EFCAB6: variants seen among roughly 807,000 people sequenced by gnomAD.
The protein encoded by EFCAB6 is EF-hand calcium-binding domain-containing protein 6.
EFCAB6 carries 156 observed loss-of-function variants against 169.8 expected under a neutral mutation model. That is an observed-to-expected ratio of 0.92 (90% confidence interval 0.81 to 1.05). The LOEUF (loss-of-function observed/expected upper bound fraction) is 1.05. EFCAB6 is among the 50% of genes least tolerant of loss of function. EFCAB6 has a pLI of 0.00. For synonymous variants in EFCAB6, 698 were observed against 676.4 expected (o/e 1.03, Z -0.50); for missense variants, 1,800 against 1,829.1 (o/e 0.98, Z 0.29).
chr22:43,617,878 C>A (rs1347904383), intron 20 of EFCAB6, among the ~76,000 whole-genome samples: 1 of 151,852 alleles, frequency 6.6e-6, no homozygotes, highest in Admixed American at 6.6e-5. Flanking sequence ...CCGAGGTGGG[C>A]AGATCACGAG....
intron 9 of EFCAB6, among the ~76,000 whole-genome samples, chr22:43,712,928 A>C (rs1011089092): frequency 6.6e-6 from 1 of 152,240 alleles, no homozygotes; most frequent in Non-Finnish European, 1.5e-5. Flanking sequence ...TAGAAAGTAC[A>C]AGCCTTTGTT....
chr22:43,762,694 T>C (rs1284980876), intron 5 of EFCAB6, among the ~76,000 whole-genome samples: 2 of 152,186 alleles, frequency 1.3e-5, no homozygotes, highest in East Asian at 3.8e-4. Flanking sequence ...ATGTTTAGCC[T>C]TTTATGTTTA....
intron 9 of EFCAB6, among the ~76,000 whole-genome samples, chr22:43,715,626 T>C (rs757188067): frequency 3.3e-5 from 5 of 152,250 alleles, no homozygotes; most frequent in African/African-American, 9.6e-5. Flanking sequence ...CGTCCTTCTA[T>C]ACATGAATAA....
rs375442122 is a variant in EFCAB6, at chr22:43,600,235, T to C, written c.2710A>G (p.Thr904Ala). ...RYDTEGKGHI[T>A]YQEFLQKLGI... ...AATTTCTGTAAAAATTCCTGGTAAG[T>C]AATGTGCCCTTTTCCCTCGGTGTCG... is the stretch of plus-strand genomic sequence containing the variant. Residue 904 changes from threonine to alanine, a missense_variant, in exon 23 of 32, where the codon ACT becomes GCT. Physicochemically the swap from Thr to Ala is moderately conservative, Grantham distance 58 (BLOSUM62 0). Coordinates refer to ENST00000262726, the MANE Select transcript of EFCAB6 (RefSeq NM_022785.4). 9.9e-6 allele frequency: 16 copies of C among 1,614,100 alleles called. No homozygotes were observed. The highest frequency in any genetic ancestry group is 1.4e-5 in the Non-Finnish European group (16 of 1,180,004).
intron 24 of EFCAB6, among the ~76,000 whole-genome samples, chr22:43,586,989 A>T (rs2051119189): frequency 6.6e-6 from 1 of 152,212 alleles, no homozygotes; most frequent in African/African-American, 2.4e-5. Flanking sequence ...TCAGAATCCA[A>T]GAAATCACTT....
At position 43,773,090 on chromosome 22, in the gene EFCAB6, T is replaced by G; in HGVS notation, c.153A>C (p.Ala51=). 6.2e-7 allele frequency: 1 copy of G among 1,614,242 alleles called. No homozygotes were observed. The highest frequency in any genetic ancestry group is 1.3e-5 in the African/African-American group (1 of 75,070). ...CATCTAAGGAGGACAGTGTTGGATTTGCAACAGCTGTGGCTATAAAAGAGA... is the reference window on the plus strand; with the variant it reads ...CATCTAAGGAGGACAGTGTTGGATTGGCAACAGCTGTGGCTATAAAAGAGA... The part of the protein sequence containing the change: ...KFRSSSTTAV[A]NPTLSSLDVK... The change falls in exon 4 of 32, where the codon GCA becomes GCC. Residue 51 remains alanine, a synonymous_variant. Transcript: ENST00000262726.
At chr22:43,804,448 A>G (rs1374138763) in intron 2 of EFCAB6, among the ~76,000 whole-genome samples, 1 of 152,182 alleles carries the variant, frequency 6.6e-6, no homozygotes, top group Admixed American at 6.5e-5. Flanking sequence ...ACCCAAAAGT[A>G]GTAGAAGGAA....
rs763740838 is a variant in EFCAB6, at chr22:43,534,833, T to C, written c.4088A>G (p.Glu1363Gly). 6.2e-7 allele frequency: 1 copy of C among 1,611,430 alleles called. No individual in the cohort carries two copies. Among genetic ancestry groups the C allele is most frequent in the Non-Finnish European group, 8.5e-7 (1 of 1,179,362 alleles). Reference sequence around the variant, plus strand: ...GTATTTTATAATGAGCTGCTGACACTCCTCTTTGCTTATGTCCAGGTTGAA... The same window carrying C: ...GTATTTTATAATGAGCTGCTGACACCCCTCTTTGCTTATGTCCAGGTTGAA... ...EKFNLDISKE[E>G]CQQLIIKYDL... is the part of the protein sequence containing the mutation. The change falls in exon 30 of 32, where the codon GAG becomes GGG. Residue 1363 changes from glutamate (E) to glycine (G), a missense_variant. By Grantham distance (98) the Glu-to-Gly change is moderately conservative. Transcript: ENST00000262726.
At chr22:43,594,005 G>A (rs186417592) in intron 23 of EFCAB6, among the ~76,000 whole-genome samples, 1 of 152,192 alleles carries the variant, frequency 6.6e-6, no homozygotes, top group East Asian at 1.9e-4. Flanking sequence ...GCCAGGTGCA[G>A]TGCCTCACAC....
At chr22:43,558,037 G>A (rs1303183556) in intron 26 of EFCAB6, among the ~76,000 whole-genome samples, 2 of 152,152 alleles carry the variant, frequency 1.3e-5, no homozygotes, top group African/African-American at 4.8e-5. Flanking sequence ...TATCTGTAAA[G>A]ATTATATTAA....
chr22:43,646,091 T>C (rs2056139399), intron 17 of EFCAB6, among the ~76,000 whole-genome samples: 1 of 152,204 alleles, frequency 6.6e-6, no homozygotes, highest in African/African-American at 2.4e-5. Context: ...AGCAGACAAG[T>C]CGTGCCTACT....
chr22:43,710,138 A>T (rs1380557729), intron 10 of EFCAB6, among the ~76,000 whole-genome samples: 1 of 152,240 alleles, frequency 6.6e-6, no homozygotes, highest in African/African-American at 2.4e-5. Context: ...CCAGGTAAAG[A>T]GAGTATTCCT....
intron 23 of EFCAB6, among the ~76,000 whole-genome samples, chr22:43,595,519 G>A (rs2051932233): frequency 6.6e-6 from 1 of 151,900 alleles, no homozygotes; most frequent in Non-Finnish European, 1.5e-5. Flanking sequence ...ACCTAGAAGT[G>A]GGTAAATTCC....
chr22:43,537,232 G>T lies in EFCAB6; in HGVS notation c.4048+145C>A. 9.7e-7 allele frequency: 1 copy of T among 1,035,072 alleles called. No homozygotes were observed. Among genetic ancestry groups the T allele is most frequent in the Non-Finnish European group, 1.4e-6 (1 of 704,424 alleles). The allele number at this position is 1,035,072 out of a possible 1,614,324, so 64.1% of individuals were successfully genotyped here. A position where few individuals can be genotyped will look rare whatever the true frequency, so the allele number is the denominator to read the frequency against. The stretch of plus-strand genomic sequence containing the variant: ...CATGGGGACCTTTGTATAGTAAGCT[G>T]CACAGCCCACCCAGAAGTTCCCACC... On this transcript the variant is annotated intron_variant, in intron 29 of 31. Transcript: ENST00000262726. The surrounding 1 kb of genome is among the most constrained non-coding windows in gnomAD (Gnocchi z 4.3).
rs748531392 is a variant in EFCAB6 at position 43,671,067 on chromosome 22, C to A, written c.1640+906G>T. Reference sequence around the variant, plus strand: ...TTTGGAGCTGATTCAACCCAGGCAGCCCAGCTGCACAGTCTCAGCTCCTGA... The same window carrying A: ...TTTGGAGCTGATTCAACCCAGGCAGACCAGCTGCACAGTCTCAGCTCCTGA... On this transcript the variant is annotated intron_variant, in intron 15 of 31. Coordinates refer to ENST00000262726, the MANE Select transcript of EFCAB6 (RefSeq NM_022785.4). Among the ~76,000 whole-genome samples the A allele has an allele frequency of 1.4e-4, 22 of 152,358 alleles. 1 individual carries two copies. The South Asian group carries it at 1.5e-3, about 10-fold the overall frequency.
chr22:43,664,635 C>A (rs940491524), intron 17 of EFCAB6, among the ~76,000 whole-genome samples: 1 of 152,196 alleles, frequency 6.6e-6, no homozygotes, highest in African/African-American at 2.4e-5. Flanking sequence ...CATGCAGTTA[C>A]CCAAGGAGCC....
chr22:43,791,836 ACTGGTCT>A (rs2062303554), intron 2 of EFCAB6, among the ~76,000 whole-genome samples: 1 of 152,180 alleles, frequency 6.6e-6, no homozygotes, highest in Non-Finnish European at 1.5e-5. Context: ...CAGTGTGATG[ACTGGTCT>A]CAGGAGACAT....
chr22:43,606,412 T>C (rs1418720717), intron 22 of EFCAB6, among the ~76,000 whole-genome samples: 3 of 152,212 alleles, frequency 2.0e-5, no homozygotes, highest in Non-Finnish European at 4.4e-5. Flanking sequence ...TTAAGAAGCA[T>C]TTGCTGGGTG....
At chr22:43,626,867 A>G (rs2054564741) in intron 19 of EFCAB6, among the ~76,000 whole-genome samples, 188 bp from the exon 20 acceptor site, 10 of 152,176 alleles carry the variant, frequency 6.6e-5, no homozygotes, top group Admixed American at 5.9e-4. Flanking sequence ...CCAAGAAATT[A>G]TAAAGCTCTC....
Sources: allele counts gnomAD v4.1 joint callset (sites outside exome capture counted in the v4.1 genomes callset), GRCh38; gene constraint gnomAD v4.1.1; non-coding constraint Gnocchi (gnomAD v3.1); transcripts MANE v1.5; gene names NCBI Gene and HGNC (gene_info 2026-07-23, HGNC 2026-07-21).